The following SMYD3 variants were observed in gnomAD, a reference collection of about 807,000 sequenced individuals.
SMYD3 encodes SET and MYND domain containing 3.
SMYD3 carries 36 observed loss-of-function variants against 57.7 expected under a neutral mutation model. That is an observed-to-expected ratio of 0.62 (90% CI 0.48 to 0.82). The LOEUF (loss-of-function observed/expected upper bound fraction) is 0.82, where lower values mean the gene tolerates loss of function less well. Among genes scored for constraint, SMYD3 ranks in the 40% least tolerant of loss-of-function variants. The probability of loss-of-function intolerance (pLI) is 0.00; values close to 1 mark genes in which losing one functional copy is unlikely to be tolerated. For synonymous variants in SMYD3, 211 were observed against 195.0 expected, an observed-to-expected ratio of 1.08 and a Z score of -0.68; for missense variants, 515 against 538.8, an observed-to-expected ratio of 0.96 and a Z score of 0.44.
chr1:245,961,539 A>AAACACAAG (rs60094354), intron 5 of SMYD3, among the ~76,000 whole-genome samples: 1 of 152,154 alleles, frequency 6.6e-6, no homozygotes, highest in South Asian at 2.1e-4. Context: ...CTGGAGGCCT[A>AAACACAAG]AATCATCCTT....
At chr1:245,751,599 AG>A (rs1394413451) in intron 11 of SMYD3, among the ~76,000 whole-genome samples, 3 of 129,292 alleles carry the variant, frequency 2.3e-5, no homozygotes, top group African/African-American at 1.3e-4. Flanking sequence ...AGAGAAAGAG[AG>A]AGAGAGAAAG....
chr1:246,402,879 T>C (rs998829434), intron 1 of SMYD3, among the ~76,000 whole-genome samples: 16 of 152,346 alleles, frequency 1.1e-4, no homozygotes, highest in South Asian at 6.2e-4. Context: ...GGCCTAGCAA[T>C]AGCAGTCAAT....
chr1:246,212,986 T>C (rs2063112561), intron 5 of SMYD3, among the ~76,000 whole-genome samples: 1 of 152,138 alleles, frequency 6.6e-6, no homozygotes, highest in South Asian at 2.1e-4. Context: ...TCAGAATATA[T>C]AGTCTGTCTA....
chr1:246,378,366 T>A (rs2148743981), intron 1 of SMYD3, among the ~76,000 whole-genome samples: 1 of 152,150 alleles, frequency 6.6e-6, no homozygotes, highest in Non-Finnish European at 1.5e-5. Flanking sequence ...GTCAGTGGAC[T>A]GGGAAAGGCA....
intron 10 of SMYD3, among the ~76,000 whole-genome samples, chr1:245,857,359 T>G (rs1447400716): frequency 1.3e-5 from 2 of 152,170 alleles, no homozygotes; most frequent in East Asian, 3.9e-4. Flanking sequence ...TTACTACCTT[T>G]GTCCAAACAA....
At chr1:246,450,245 C>T (rs899879567) in intron 1 of SMYD3, among the ~76,000 whole-genome samples, 28 of 151,962 alleles carry the variant, frequency 1.8e-4, no homozygotes, top group African/African-American at 6.5e-4. Flanking sequence ...GAGCCGACAT[C>T]GCACCATTGC....
chr1:246,504,636 T>C (rs2068508123), intron 1 of SMYD3, among the ~76,000 whole-genome samples: 1 of 152,184 alleles, frequency 6.6e-6, no homozygotes, highest in Non-Finnish European at 1.5e-5. Context: ...CATGTAACTG[T>C]TAATTGCTAC....
At chr1:246,450,076 T>C (rs2067609417) in intron 1 of SMYD3, among the ~76,000 whole-genome samples, 1 of 151,998 alleles carries the variant, frequency 6.6e-6, no homozygotes, top group Admixed American at 6.6e-5. Flanking sequence ...TCACCTGAGG[T>C]CGGGAGTTCG....
At chr1:245,849,804 C>T (rs1015099589) in intron 10 of SMYD3, among the ~76,000 whole-genome samples, 3 of 152,094 alleles carry the variant, frequency 2.0e-5, no homozygotes, top group African/African-American at 7.2e-5. Flanking sequence ...AGGCACATGC[C>T]ACCTCTCCCA....
At chr1:246,001,040 CTTCACTCAAGTCT>C (rs1369409381) in intron 5 of SMYD3, among the ~76,000 whole-genome samples, 1 of 152,192 alleles carries the variant, frequency 6.6e-6, no homozygotes, top group African/African-American at 2.4e-5. Context: ...ATTTACACCA[CTTCACTCAAGTCT>C]TACGAAATGA....
At chr1:246,459,540 G>A (rs2067763854) in intron 1 of SMYD3, among the ~76,000 whole-genome samples, 1 of 152,152 alleles carries the variant, frequency 6.6e-6, no homozygotes. Context: ...ACTCTCTCCT[G>A]CTCTGTCATG....
intron 5 of SMYD3, among the ~76,000 whole-genome samples, chr1:246,195,613 GCACA>G (rs527875900): frequency 1.1e-4 from 17 of 149,968 alleles, no homozygotes; most frequent in Admixed American, 2.0e-4. Context: ...GTGCACGCGC[GCACA>G]CACACACACA....
chr1:246,373,869 C>CT (rs2066229489), intron 1 of SMYD3, among the ~76,000 whole-genome samples: 2 of 152,288 alleles, frequency 1.3e-5, no homozygotes, highest in Middle Eastern at 3.4e-3. Flanking sequence ...ATGGAGAAAT[C>CT]TTTAACAAGC....
chr1:246,336,248 G>A (rs560630945), intron 2 of SMYD3, among the ~76,000 whole-genome samples: 7 of 152,276 alleles, frequency 4.6e-5, no homozygotes, highest in East Asian at 1.9e-4. Context: ...TCAGAAAGGC[G>A]ACGGCTCCTT....
intron 5 of SMYD3, among the ~76,000 whole-genome samples, chr1:246,140,035 CA>C (rs1446562566): frequency 6.6e-6 from 1 of 152,154 alleles, no homozygotes; most frequent in Non-Finnish European, 1.5e-5. Flanking sequence ...GAAGACAAAA[CA>C]TAAGAATGGA....
At chr1:246,145,201 C>T (rs1390729473) in intron 5 of SMYD3, among the ~76,000 whole-genome samples, 3 of 152,102 alleles carry the variant, frequency 2.0e-5, no homozygotes, top group Non-Finnish European at 4.4e-5. Flanking sequence ...TTAATCTGAG[C>T]TACAATGTGA....
chr1:246,366,006 G>A (rs773619928), intron 1 of SMYD3, among the ~76,000 whole-genome samples: 19 of 152,234 alleles, frequency 1.2e-4, no homozygotes, highest in Non-Finnish European at 2.2e-4. Context: ...CAGAGGCTAT[G>A]TCTGTTGGCT....
At chr1:246,383,676 A>G (rs982162967) in intron 1 of SMYD3, among the ~76,000 whole-genome samples, 4 of 152,198 alleles carry the variant, frequency 2.6e-5, no homozygotes, top group Non-Finnish European at 5.9e-5. Context: ...AAATATCAAG[A>G]TGGGGTCAGG....
intron 10 of SMYD3, among the ~76,000 whole-genome samples, chr1:245,822,903 A>C (rs2049255758): frequency 6.6e-6 from 1 of 152,246 alleles, no homozygotes; most frequent in Non-Finnish European, 1.5e-5. Context: ...CATCCAAGTG[A>C]GTCCTTAATA....
Sources: gnomAD v4.1 joint callset for allele counts (sites outside exome capture counted in the v4.1 genomes callset) on GRCh38, gnomAD v4.1.1 for gene constraint, MANE v1.5 for transcripts, NCBI Gene and HGNC (gene_info 2026-07-23, HGNC 2026-07-21) for gene names.